SORBS2: variants seen among roughly 807,000 people sequenced by gnomAD.
The protein encoded by SORBS2 is sorbin and SH3 domain containing 2.
In SORBS2, 46 loss-of-function variants were observed where a neutral mutation model predicts 97.7. That is an observed-to-expected ratio of 0.47 (90% CI 0.37 to 0.60). The LOEUF is 0.60. Among genes scored for constraint, SORBS2 ranks in the 20% least tolerant of loss-of-function variants. The pLI, the probability that SORBS2 is intolerant of heterozygous loss-of-function variation, is 0.00. For synonymous variants in SORBS2, 476 were observed against 473.4 expected (o/e 1.01, Z -0.07); for missense variants, 1,316 against 1,282.3 (o/e 1.03, Z -0.40).
At chr4:185,870,403 C>T (rs2099229746) in intron 1 of SORBS2, among the ~76,000 whole-genome samples, 1 of 152,212 alleles carries the variant, frequency 6.6e-6, no homozygotes, top group Admixed American at 6.5e-5. Context: ...GCGGGCATCC[C>T]AACTACCCAG....
At chr4:185,893,284 T>C (rs1327964566) in intron 1 of SORBS2, among the ~76,000 whole-genome samples, 1 of 152,186 alleles carries the variant, frequency 6.6e-6, no homozygotes, top group Non-Finnish European at 1.5e-5. Context: ...CATGGGATCA[T>C]AACATCTGCG....
At chr4:185,677,452 A>T in intron 4 of SORBS2, 1 of 1,552,132 alleles carries the variant, frequency 6.4e-7, no homozygotes, top group Non-Finnish European at 8.7e-7. Flanking sequence ...TCTTCAGAAT[A>T]TACAATTGTC....
At chr4:185,805,702 A>G (rs992778751) in intron 1 of SORBS2, among the ~76,000 whole-genome samples, 15 of 152,236 alleles carry the variant, frequency 9.9e-5, no homozygotes, top group African/African-American at 3.6e-4. Context: ...CATCTTAACT[A>G]CTAGTAATAC....
intron 6 of SORBS2, among the ~76,000 whole-genome samples, chr4:185,626,427 A>T (rs1404427882): frequency 6.6e-6 from 1 of 152,252 alleles, no homozygotes; most frequent in Non-Finnish European, 1.5e-5. Context: ...TATTTTAGCC[A>T]ACAATTTGCT....
intron 1 of SORBS2, among the ~76,000 whole-genome samples, chr4:185,920,325 G>A (rs2099260372): frequency 6.6e-6 from 1 of 152,108 alleles, no homozygotes. Flanking sequence ...GTAGCACAAG[G>A]TGTCTCTGTC....
chr4:185,717,117 A>G (rs1029479327), intron 2 of SORBS2, among the ~76,000 whole-genome samples: 4 of 152,214 alleles, frequency 2.6e-5, no homozygotes, highest in Non-Finnish European at 5.9e-5. Context: ...AAGTATACTG[A>G]GAAGAGCTCG....
At chr4:185,879,855 G>T (rs2099235993) in intron 1 of SORBS2, among the ~76,000 whole-genome samples, 1 of 152,324 alleles carries the variant, frequency 6.6e-6, no homozygotes, top group Middle Eastern at 3.4e-3. Flanking sequence ...GCATCAGCAC[G>T]GTGAGGGCAG....
intron 1 of SORBS2, among the ~76,000 whole-genome samples, chr4:185,956,012 G>A (rs915804541): frequency 6.6e-6 from 1 of 152,138 alleles, no homozygotes; most frequent in Non-Finnish European, 1.5e-5. Flanking sequence ...CTTAAGCAAC[G>A]TAAAGTGTTC....
intron 5 of SORBS2, among the ~76,000 whole-genome samples, chr4:185,629,560 A>ATTTTTTT (rs201590422): frequency 7.5e-6 from 1 of 134,084 alleles, no homozygotes; most frequent in Non-Finnish European, 1.5e-5. Flanking sequence ...GAATTTTGTG[A>ATTTTTTT]TTTGTTTTTT....
intron 2 of SORBS2, among the ~76,000 whole-genome samples, chr4:185,704,882 G>A (rs1287759457): frequency 2.0e-5 from 3 of 152,332 alleles, no homozygotes; most frequent in East Asian, 1.9e-4. Context: ...AACACAGAGT[G>A]GGCAGATGGG....
intron 1 of SORBS2, among the ~76,000 whole-genome samples, chr4:185,873,245 A>G (rs1357668353): frequency 6.6e-6 from 1 of 152,172 alleles, no homozygotes; most frequent in Non-Finnish European, 1.5e-5. Flanking sequence ...TTTCTGACAC[A>G]CCGTTTGCAT....
chr4:185,718,414 A>T (rs969492705), intron 2 of SORBS2, among the ~76,000 whole-genome samples: 1 of 152,216 alleles, frequency 6.6e-6, no homozygotes, highest in Admixed American at 6.5e-5. Context: ...ATTACAAAAA[A>T]TTAGAAGGTC....
chr4:185,601,920 G>T (rs2096271082), intron 12 of SORBS2, among the ~76,000 whole-genome samples: 1 of 152,210 alleles, frequency 6.6e-6, no homozygotes, highest in Admixed American at 6.5e-5. Flanking sequence ...TCCTCACAGA[G>T]CTTCCGCTGC....
intron 1 of SORBS2, among the ~76,000 whole-genome samples, chr4:185,934,096 G>A (rs2099267748): frequency 1.3e-5 from 2 of 152,160 alleles, no homozygotes; most frequent in Admixed American, 1.3e-4. Context: ...TTCATTTAAA[G>A]TCCCTCTCTG....
chr4:185,781,086 C>A (rs13101514), intron 1 of SORBS2, among the ~76,000 whole-genome samples: 1 of 151,742 alleles, frequency 6.6e-6, no homozygotes, highest in East Asian at 1.9e-4. Flanking sequence ...TACAGACATG[C>A]GCCACCACAC....
At position 185,720,828 on chromosome 4, in the gene SORBS2, G is replaced by A. The variant is rs148187461; in HGVS notation, c.-197-42006C>T. 3.9e-4 allele frequency among the ~76,000 whole-genome samples: 60 copies of A among 152,246 alleles called. No homozygotes were observed. The East Asian group carries it at 7.0e-3, about 18-fold the overall frequency. ...ATAATTCACCCCTTGAAATGAGGCC[G>A]TGTGGGATGAGCAACCTTGAACCAG... On this transcript the variant is annotated intron_variant, in intron 2 of 20. Coordinates refer to the SORBS2 transcript ENST00000284776.
chr4:185,786,690 C>T (rs1346642322), intron 1 of SORBS2, among the ~76,000 whole-genome samples: 2 of 152,162 alleles, frequency 1.3e-5, no homozygotes, highest in East Asian at 1.9e-4. Flanking sequence ...GGCTGGGCAT[C>T]GTGGCTCACG....
intron 1 of SORBS2, among the ~76,000 whole-genome samples, chr4:185,945,887 C>A (rs2099274279): frequency 6.6e-6 from 1 of 152,078 alleles, no homozygotes; most frequent in African/African-American, 2.4e-5. Flanking sequence ...GAAGAAGCAG[C>A]AGCAGTCAGA....
intron 1 of SORBS2, among the ~76,000 whole-genome samples, chr4:185,923,199 T>C (rs1291916834): frequency 6.6e-6 from 1 of 152,222 alleles, no homozygotes; most frequent in African/African-American, 2.4e-5. Flanking sequence ...TAGTCTTCCT[T>C]GTCTCTGTTG....
Sources: allele counts gnomAD v4.1 joint callset (sites outside exome capture counted in the v4.1 genomes callset), GRCh38; gene constraint gnomAD v4.1.1; transcripts MANE v1.5; gene names NCBI Gene and HGNC (gene_info 2026-07-23, HGNC 2026-07-21).